Variants in TRPM3 observed in about 807,000 individuals in gnomAD.
TRPM3 encodes long transient receptor potential channel 3.
In TRPM3, 77 loss-of-function variants were observed where a neutral mutation model predicts 181.2. The ratio of observed to expected loss-of-function variants is 0.42; its 90% confidence interval spans 0.35 to 0.51. The LOEUF (loss-of-function observed/expected upper bound fraction) is 0.51. TRPM3 is among the 20% of genes least tolerant of loss of function. The probability of loss-of-function intolerance (pLI) is 0.01; values close to 1 mark genes in which losing one functional copy is unlikely to be tolerated. For synonymous variants in TRPM3, 745 were observed against 796.4 expected (o/e 0.94, Z 1.09); for missense variants, 1,759 against 2,196.7 (o/e 0.80, Z 3.98).
At chr9:71,282,453 A>G (rs2084925265) in intron 1 of TRPM3, among the ~76,000 whole-genome samples, 1 of 152,096 alleles carries the variant, frequency 6.6e-6, no homozygotes, top group Non-Finnish European at 1.5e-5. Flanking sequence ...AATTGTAACT[A>G]AACAAAGGCT....
At chr9:71,197,315 G>A (rs913403062) in intron 1 of TRPM3, among the ~76,000 whole-genome samples, 2 of 152,110 alleles carry the variant, frequency 1.3e-5, no homozygotes, top group African/African-American at 4.8e-5. Flanking sequence ...ATTGTGAATA[G>A]TGCCGCAATA....
At chr9:71,123,216 T>C (rs2073829380), upstream of TRPM3, among the ~76,000 whole-genome samples, 1 of 152,254 alleles carries the variant, frequency 6.6e-6, no homozygotes, top group Admixed American at 6.5e-5. Flanking sequence ...TTTGGTAATT[T>C]AATCTTACAT....
chr9:71,145,598 T>TC (rs764964491), intron 1 of TRPM3, among the ~76,000 whole-genome samples: 49 of 152,236 alleles, frequency 3.2e-4, no homozygotes, highest in Middle Eastern at 3.4e-3. Context: ...AACAGGCATT[T>TC]CCGTTTTCTA....
chr9:70,693,150 G>A (rs557854689), intron 8 of TRPM3, among the ~76,000 whole-genome samples: 92 of 152,272 alleles, frequency 6.0e-4, no homozygotes, highest in Non-Finnish European at 5.3e-4. Flanking sequence ...ACAACGTGTC[G>A]TCTACTCTTC....
At chr9:71,001,919 A>T (rs1008495358) in intron 1 of TRPM3, among the ~76,000 whole-genome samples, 1 of 152,214 alleles carries the variant, frequency 6.6e-6, no homozygotes, top group Non-Finnish European at 1.5e-5. Context: ...CAAGGAACAA[A>T]GGAAATGCAT....
chr9:71,112,270 T>C (rs1374285227), intron 1 of TRPM3, among the ~76,000 whole-genome samples: 4 of 152,206 alleles, frequency 2.6e-5, no homozygotes, highest in Non-Finnish European at 5.9e-5. Context: ...TATTAAGAAA[T>C]ACCTTTTCTC....
intron 9 of TRPM3, among the ~76,000 whole-genome samples, chr9:70,660,013 T>C (rs1011977988): frequency 2.6e-5 from 4 of 152,188 alleles, no homozygotes; most frequent in African/African-American, 7.2e-5. Flanking sequence ...TCATAGGACA[T>C]GAGACTTAAC....
chr9:71,392,391 C>A (rs2093082842), intron 1 of TRPM3, among the ~76,000 whole-genome samples: 1 of 152,024 alleles, frequency 6.6e-6, no homozygotes, highest in Non-Finnish European at 1.5e-5. Flanking sequence ...GAGACATGTC[C>A]AGAAAGATGG....
At chr9:70,539,717 TACAATA>T (rs1389989845) in intron 25 of TRPM3, among the ~76,000 whole-genome samples, 1 of 152,242 alleles carries the variant, frequency 6.6e-6, no homozygotes, top group Non-Finnish European at 1.5e-5. Context: ...CAAAATTACT[TACAATA>T]ACAAGTTTGT....
chr9:71,001,463 T>C (rs2097600287), intron 1 of TRPM3, among the ~76,000 whole-genome samples: 2 of 152,208 alleles, frequency 1.3e-5, no homozygotes, highest in South Asian at 4.1e-4. Context: ...TGGTATCTCA[T>C]GGTTCGAGCA....
intron 6 of TRPM3, among the ~76,000 whole-genome samples, chr9:70,791,854 C>G (rs907442392): frequency 6.6e-6 from 1 of 152,144 alleles, no homozygotes; most frequent in Non-Finnish European, 1.5e-5. Context: ...CTAAACAAAT[C>G]TATTTTGTGC....
intron 1 of TRPM3, among the ~76,000 whole-genome samples, chr9:70,997,656 G>A (rs1439920559): frequency 7.9e-5 from 12 of 152,136 alleles, no homozygotes; most frequent in Admixed American, 5.2e-4. Context: ...AGACTGGCAT[G>A]TTTTGCAGGG....
chr9:71,223,021 G>A lies in TRPM3; in HGVS notation c.183+223632C>T, dbSNP rs116153920. Among the ~76,000 whole-genome samples, 740 of 152,174 alleles carry A rather than the reference G, an allele frequency of 4.9e-3. 6 individuals are homozygous for A. The highest frequency in any genetic ancestry group is 0.017 in the African/African-American group (711 of 41,500). The stretch of plus-strand genomic sequence containing the variant: ...GACCTAGTGCTGAACTGGGCTCAGA[G>A]CCAGTGGACTTGGGGGCTAGGGGCT... On this transcript the variant is annotated intron_variant, in intron 1 of 24. Coordinates refer to the TRPM3 transcript ENST00000357533.
chr9:71,193,748 CG>C lies in TRPM3; in HGVS notation c.183+252904del, dbSNP rs879345342. Among the ~76,000 whole-genome samples, 175 of 151,944 alleles carry C rather than the reference CG, an allele frequency of 1.2e-3. 1 individual carries two copies. The highest frequency in any genetic ancestry group is 3.7e-3 in the African/African-American group (153 of 41,492). On this transcript the variant is annotated intron_variant, in intron 1 of 24. Coordinates refer to the TRPM3 transcript ENST00000357533. The stretch of plus-strand genomic sequence containing the variant: ...GTCAGTGGATGATGTTACCATCCAC[CG>C]GATTCCAAGTAAGAAATCTAAACTG...
rs1414117450 is a variant in TRPM3 at position 71,399,239 on chromosome 9, G to T, written c.183+47414C>A. Reference sequence around the variant, plus strand: ...TCATGACTTAGAAAACTACTTAATGGGGAAATAAGTTGTTCTTGTTGATGC... The same window carrying T: ...TCATGACTTAGAAAACTACTTAATGTGGAAATAAGTTGTTCTTGTTGATGC... On this transcript the variant is annotated intron_variant, in intron 1 of 24. Transcript: ENST00000357533. Among the ~76,000 whole-genome samples the T allele has an allele frequency of 3.3e-5, 5 of 152,166 alleles. No homozygotes were observed. In the East Asian group the frequency reaches 7.7e-4, roughly 24 times the overall value.
At chr9:70,787,472 A>T (rs2083945110) in intron 6 of TRPM3, among the ~76,000 whole-genome samples, 1 of 152,196 alleles carries the variant, frequency 6.6e-6, no homozygotes, top group Non-Finnish European at 1.5e-5. Context: ...TAGAAAATCA[A>T]ACTATGCCTA....
chr9:71,264,861 C>T (rs183834239), intron 1 of TRPM3, among the ~76,000 whole-genome samples: 1 of 152,188 alleles, frequency 6.6e-6, no homozygotes, highest in African/African-American at 2.4e-5. Flanking sequence ...CCTCTATGTC[C>T]CAAAGCAGAG....
At chr9:71,177,615 C>CCTA (rs771431014) in intron 1 of TRPM3, among the ~76,000 whole-genome samples, 61,146 of 151,896 alleles carry the variant, frequency 0.4, 12,609 homozygotes, top group East Asian at 0.52. Context: ...AATCTTGAGT[C>CCTA]ATTCATGTAT....
chr9:71,177,800 C>A (rs1209842629), intron 1 of TRPM3, among the ~76,000 whole-genome samples: 2 of 151,942 alleles, frequency 1.3e-5, no homozygotes, highest in Non-Finnish European at 2.9e-5. Context: ...GGTTTTTAGT[C>A]TCTTGGAGCG....
Sources: gnomAD v4.1 joint callset for allele counts (sites outside exome capture counted in the v4.1 genomes callset) on GRCh38, gnomAD v4.1.1 for gene constraint, MANE v1.5 for transcripts, NCBI Gene and HGNC (gene_info 2026-07-23, HGNC 2026-07-21) for gene names.